The following MAF variants were observed in gnomAD, a reference collection of about 807,000 sequenced individuals.
MAF encodes transcription factor Maf.
A neutral mutation model predicts 22.0 loss-of-function variants in MAF; 10 were observed. That is an observed-to-expected ratio of 0.45 (90% CI 0.28 to 0.77). The LOEUF (loss-of-function observed/expected upper bound fraction) is 0.77, where lower values mean the gene tolerates loss of function less well. Ranked by LOEUF, MAF falls within the 30% of genes least tolerant of loss-of-function variation. The pLI, the probability that MAF is intolerant of heterozygous loss-of-function variation, is 0.12. For synonymous variants in MAF, 337 were observed against 255.8 expected, an observed-to-expected ratio of 1.32 and a Z score of -3.03; for missense variants, 544 against 548.4, an observed-to-expected ratio of 0.99 and a Z score of 0.08.
chr16:79,404,872 C>T, the MAF span, among the ~76,000 whole-genome samples: 3 of 152,186 alleles, frequency 2.0e-5, no homozygotes, highest in Non-Finnish European at 2.9e-5. Context: ...AATCGCTCCC[C>T]TCCTTCTCTC....
chr16:79,424,727 C>A, the MAF span, among the ~76,000 whole-genome samples: 5 of 152,126 alleles, frequency 3.3e-5, no homozygotes, highest in Non-Finnish European at 7.4e-5. Flanking sequence ...ACAACAACAA[C>A]AAAAATCCTG....
At chr16:79,299,702 C>G in the MAF span, among the ~76,000 whole-genome samples, 1 of 152,162 alleles carries the variant, frequency 6.6e-6, no homozygotes, top group Non-Finnish European at 1.5e-5. Flanking sequence ...CCCAGAGGCA[C>G]CTTGATCTTG....
intron 1 of MAF, 86 bp from the exon 2 acceptor site, chr16:79,594,639 ATTT>A (rs66467731): frequency 2.3e-5 from 30 of 1,306,094 alleles, no homozygotes; most frequent in Middle Eastern, 2.0e-4. Flanking sequence ...TCCTCATATG[ATTT>A]TTTTTTTTTT....
the MAF span, among the ~76,000 whole-genome samples, chr16:79,378,688 T>G: frequency 9.2e-5 from 14 of 152,222 alleles, no homozygotes; most frequent in African/African-American, 3.4e-4. Context: ...ATTTTTATGT[T>G]TTTGAAATGT....
At chr16:79,234,941 C>T in the MAF span, among the ~76,000 whole-genome samples, 1 of 152,112 alleles carries the variant, frequency 6.6e-6, no homozygotes, top group Non-Finnish European at 1.5e-5. Flanking sequence ...CTGCCATTCA[C>T]CATGAGAGAA....
At chr16:79,353,841 G>T in the MAF span, among the ~76,000 whole-genome samples, 1 of 152,104 alleles carries the variant, frequency 6.6e-6, no homozygotes, top group Non-Finnish European at 1.5e-5. Flanking sequence ...GTGTCTTGTG[G>T]ATGGGAATGA....
chr16:79,491,220 C>G, the MAF span, among the ~76,000 whole-genome samples: 42 of 152,232 alleles, frequency 2.8e-4, no homozygotes, highest in African/African-American at 9.1e-4. Flanking sequence ...GAGGACCAGA[C>G]TCAAAGGCAC....
At chr16:79,468,328 G>A in the MAF span, among the ~76,000 whole-genome samples, 1 of 152,182 alleles carries the variant, frequency 6.6e-6, no homozygotes, top group South Asian at 2.1e-4. Flanking sequence ...GCACTGGGGG[G>A]ATGCCCCTGC....
the MAF span, among the ~76,000 whole-genome samples, chr16:79,369,278 C>G: frequency 6.6e-6 from 1 of 152,124 alleles, no homozygotes; most frequent in Admixed American, 6.6e-5. Context: ...AGCTGGGTTA[C>G]AGGAAGGAAC....
At chr16:79,562,049 G>A in the MAF span, among the ~76,000 whole-genome samples, 1 of 152,130 alleles carries the variant, frequency 6.6e-6, no homozygotes, top group African/African-American at 2.4e-5. Context: ...CCTCTTGTTG[G>A]TCTTCAGCGT....
the MAF span, among the ~76,000 whole-genome samples, chr16:79,497,856 G>A: frequency 6.6e-6 from 1 of 152,238 alleles, no homozygotes; most frequent in Non-Finnish European, 1.5e-5. Context: ...GCTGATTCCT[G>A]CAATGCCTTG....
chr16:79,416,424 T>G, the MAF span, among the ~76,000 whole-genome samples: 1 of 151,426 alleles, frequency 6.6e-6, no homozygotes, highest in Non-Finnish European at 1.5e-5. Flanking sequence ...GAAATATAGG[T>G]GCTTCTGTTT....
chr16:79,512,593 G>A, the MAF span, among the ~76,000 whole-genome samples: 12 of 152,150 alleles, frequency 7.9e-5, no homozygotes, highest in East Asian at 3.9e-4. Flanking sequence ...CCTTCTGCCC[G>A]GCAGTTGGGG....
the MAF span, among the ~76,000 whole-genome samples, chr16:79,300,084 TC>T: frequency 6.6e-6 from 1 of 152,204 alleles, no homozygotes; most frequent in East Asian, 1.9e-4. Flanking sequence ...AAGCACATGC[TC>T]CAAAAATGTT....
the MAF span, among the ~76,000 whole-genome samples, chr16:79,563,736 AACACACACAC>A: frequency 6.9e-6 from 1 of 144,198 alleles, no homozygotes; most frequent in African/African-American, 2.7e-5. Flanking sequence ...TTAGCTAGCA[AACACACACAC>A]ACACACACAC....
chr16:79,271,536 T>C, the MAF span, among the ~76,000 whole-genome samples: 1 of 152,322 alleles, frequency 6.6e-6, no homozygotes, highest in African/African-American at 2.4e-5. Flanking sequence ...TATGCATGAG[T>C]AGACTGTGAC....
chr16:79,318,326 C>T, the MAF span, among the ~76,000 whole-genome samples: 6 of 152,274 alleles, frequency 3.9e-5, no homozygotes, highest in Middle Eastern at 6.8e-3. Context: ...TTGGATTGCC[C>T]AGTCATAGTC....
the MAF span, among the ~76,000 whole-genome samples, chr16:79,533,605 G>A: frequency 6.6e-6 from 1 of 152,078 alleles, no homozygotes; most frequent in African/African-American, 2.4e-5. Flanking sequence ...TGTCCATCTG[G>A]TTCATAACCC....
At chr16:79,422,000 A>T in the MAF span, among the ~76,000 whole-genome samples, 24 of 151,682 alleles carry the variant, frequency 1.6e-4, no homozygotes, top group African/African-American at 5.8e-4. Context: ...CTGGTCTCGA[A>T]CTCCTGAACT....
Sources: gnomAD v4.1 joint callset for allele counts (sites outside exome capture counted in the v4.1 genomes callset) on GRCh38, gnomAD v4.1.1 for gene constraint, MANE v1.5 for transcripts, NCBI Gene and HGNC (gene_info 2026-07-23, HGNC 2026-07-21) for gene names.